Variants in B3GALT1 observed in about 807,000 individuals in gnomAD.
The protein encoded by B3GALT1 is UDP-Gal:betaGlcNAc beta 1,3-galactosyltransferase, polypeptide 1.
B3GALT1 carries 10 observed loss-of-function variants against 23.2 expected under a neutral mutation model. That is an observed-to-expected ratio of 0.43 (90% CI 0.27 to 0.73). B3GALT1 has a LOEUF of 0.73. Among genes scored for constraint, B3GALT1 ranks in the 30% least tolerant of loss-of-function variants. B3GALT1 has a pLI of 0.21. For synonymous variants in B3GALT1, 156 were observed against 141.5 expected, an observed-to-expected ratio of 1.10 and a Z score of -0.73; for missense variants, 299 against 405.4, an observed-to-expected ratio of 0.74 and a Z score of 2.25.
intron 3 of B3GALT1, among the ~76,000 whole-genome samples, chr2:167,728,357 A>T (rs1687352569): frequency 6.6e-6 from 1 of 152,246 alleles, no homozygotes; most frequent in Non-Finnish European, 1.5e-5. Context: ...ACTGCACTCC[A>T]GCCTGGGTGA....
chr2:167,748,852 T>A (rs1451052413), intron 3 of B3GALT1, among the ~76,000 whole-genome samples: 1 of 152,142 alleles, frequency 6.6e-6, no homozygotes, highest in Non-Finnish European at 1.5e-5. Flanking sequence ...GTCCTTGTGT[T>A]CTCACACTGC....
At chr2:167,626,288 C>G (rs943895172) in intron 2 of B3GALT1, among the ~76,000 whole-genome samples, 1 of 151,428 alleles carries the variant, frequency 6.6e-6, no homozygotes, top group African/African-American at 2.4e-5. Context: ...CTAATCCAAA[C>G]CCATATAGAT....
chr2:167,364,608 G>A (rs560388381), intron 1 of B3GALT1, among the ~76,000 whole-genome samples: 181 of 152,188 alleles, frequency 1.2e-3, no homozygotes, highest in South Asian at 8.3e-3. Flanking sequence ...CTGTCCTTGC[G>A]ATAGTTTGCT....
intron 3 of B3GALT1, chr2:167,714,111 C>T: frequency 6.5e-7 from 1 of 1,528,584 alleles, no homozygotes; most frequent in Non-Finnish European, 9.1e-7. Flanking sequence ...GGCATTGACC[C>T]ATCCATTTTA....
chr2:167,645,141 G>A (rs1249980135), intron 2 of B3GALT1, among the ~76,000 whole-genome samples: 1 of 152,106 alleles, frequency 6.6e-6, no homozygotes, highest in East Asian at 1.9e-4. Context: ...GCAAGAGTAA[G>A]GGTGCTGACT....
chr2:167,530,521 T>C (rs1033072981), intron 2 of B3GALT1, among the ~76,000 whole-genome samples: 2 of 152,228 alleles, frequency 1.3e-5, no homozygotes, highest in African/African-American at 2.4e-5. Flanking sequence ...AATAAAATGT[T>C]AATCCTCTTT....
At chr2:167,628,683 A>C (rs548655257) in intron 2 of B3GALT1, among the ~76,000 whole-genome samples, 3 of 151,844 alleles carry the variant, frequency 2.0e-5, no homozygotes, top group South Asian at 4.1e-4. Flanking sequence ...TCACTGAACT[A>C]GGTAAAGATA....
chr2:167,331,604 A>AG (rs1696973591), intron 1 of B3GALT1, among the ~76,000 whole-genome samples: 1 of 152,122 alleles, frequency 6.6e-6, no homozygotes, highest in Non-Finnish European at 1.5e-5. Flanking sequence ...AGGCATGCTT[A>AG]GGTGCTACCA....
intron 3 of B3GALT1, among the ~76,000 whole-genome samples, chr2:167,713,203 A>G (rs1440386626): frequency 6.6e-6 from 1 of 152,248 alleles, no homozygotes; most frequent in Non-Finnish European, 1.5e-5. Flanking sequence ...ACAACTTATT[A>G]GCTTACTACA....
At chr2:167,476,706 C>T (rs1373912204) in intron 1 of B3GALT1, among the ~76,000 whole-genome samples, 2 of 152,108 alleles carry the variant, frequency 1.3e-5, no homozygotes, top group Admixed American at 6.6e-5. Context: ...TCCTCTACAC[C>T]TCTCACTGAG....
rs553268714 is a variant in B3GALT1 at position 167,500,501 on chromosome 2, G to A, written c.-410+10224G>A. Among the ~76,000 whole-genome samples, 16 of 152,074 alleles carry A rather than the reference G, an allele frequency of 1.1e-4. No homozygotes were observed. The East Asian group carries it at 1.7e-3, about 17-fold the overall frequency. On this transcript the variant is annotated intron_variant, in intron 2 of 4. Transcript: ENST00000392690. ...TTCCTTTGTATTTGTTCTATGAATC[G>A]GGGGACTGGAGTTGGCACTCCTCTC...
intron 3 of B3GALT1, among the ~76,000 whole-genome samples, chr2:167,720,003 G>A (rs775306138): frequency 1.3e-5 from 2 of 151,890 alleles, no homozygotes; most frequent in Admixed American, 6.6e-5. Flanking sequence ...AGATACAACC[G>A]CTGCACTTGA....
At chr2:167,295,160 T>C (rs1696329225) in intron 1 of B3GALT1, among the ~76,000 whole-genome samples, 2 of 152,216 alleles carry the variant, frequency 1.3e-5, no homozygotes, top group Admixed American at 6.5e-5. Flanking sequence ...TTTTCATCAC[T>C]TAATTGTTGT....
chr2:167,675,335 A>G (rs553070109), intron 3 of B3GALT1, among the ~76,000 whole-genome samples: 8 of 152,322 alleles, frequency 5.3e-5, no homozygotes, highest in African/African-American at 1.9e-4. Context: ...TTTTATAGCA[A>G]ATATTTTATG....
chr2:167,712,857 G>T (rs1262170590), intron 3 of B3GALT1, among the ~76,000 whole-genome samples: 3 of 152,102 alleles, frequency 2.0e-5, no homozygotes, highest in Non-Finnish European at 4.4e-5. Context: ...TAATAGCAGA[G>T]ATTTAGAAAA....
chr2:167,597,760 A>G (rs148485343), intron 2 of B3GALT1, among the ~76,000 whole-genome samples: 3 of 152,210 alleles, frequency 2.0e-5, no homozygotes, highest in African/African-American at 7.2e-5. Flanking sequence ...GTAGATGTAG[A>G]TATAGATGTA....
chr2:167,805,889 A>G (rs1326207797), intron 3 of B3GALT1, among the ~76,000 whole-genome samples: 2 of 152,150 alleles, frequency 1.3e-5, no homozygotes, highest in African/African-American at 4.8e-5. Flanking sequence ...CTTGATAGGG[A>G]TGGCATTGAA....
chr2:167,334,174 G>A (rs1338480840), intron 1 of B3GALT1, among the ~76,000 whole-genome samples: 1 of 152,110 alleles, frequency 6.6e-6, no homozygotes. Context: ...AATAATTAGT[G>A]TACTAGTGAT....
intron 1 of B3GALT1, among the ~76,000 whole-genome samples, chr2:167,464,334 T>C (rs968979412): frequency 6.6e-6 from 1 of 152,226 alleles, no homozygotes; most frequent in African/African-American, 2.4e-5. Flanking sequence ...TAATCATTCT[T>C]CTTTTCAGAG....
Sources: gnomAD v4.1 joint callset for allele counts (sites outside exome capture counted in the v4.1 genomes callset) on GRCh38, gnomAD v4.1.1 for gene constraint, MANE v1.5 for transcripts, NCBI Gene and HGNC (gene_info 2026-07-23, HGNC 2026-07-21) for gene names.